The following NCOA2 variants were observed in gnomAD, a reference collection of about 807,000 sequenced individuals.
NCOA2 encodes the protein nuclear receptor coactivator 2, also known as class E basic helix-loop-helix protein 75.
NCOA2 carries 21 observed loss-of-function variants against 145.1 expected under a neutral mutation model. The observed-to-expected ratio is 0.14, with a 90% CI of 0.10 to 0.21. NCOA2 has a LOEUF of 0.21. Among genes scored for constraint, NCOA2 ranks in the 10% least tolerant of loss-of-function variants. The pLI, the probability that NCOA2 is intolerant of heterozygous loss-of-function variation, is 1.00. For synonymous variants in NCOA2, 619 were observed against 637.5 expected (o/e 0.97, Z 0.44); for missense variants, 1,472 against 1,837.6 (o/e 0.80, Z 3.64).
intron 2 of NCOA2, among the ~76,000 whole-genome samples, chr8:70,235,424 TG>T (rs1465688741): frequency 6.6e-6 from 1 of 152,156 alleles, no homozygotes; most frequent in Non-Finnish European, 1.5e-5. Flanking sequence ...ATAGTTACAA[TG>T]GCAAATTGTA....
intron 2 of NCOA2, among the ~76,000 whole-genome samples, chr8:70,263,485 GTCA>G (rs1824308956): frequency 6.6e-6 from 1 of 151,900 alleles, no homozygotes; most frequent in South Asian, 2.1e-4. Flanking sequence ...TCCAAAAAAG[GTCA>G]TCTTTTTCAC....
chr8:70,248,363 G>T (rs1586243991), intron 2 of NCOA2, among the ~76,000 whole-genome samples: 1 of 152,260 alleles, frequency 6.6e-6, no homozygotes, highest in Non-Finnish European at 1.5e-5. Context: ...TCTTGTGCCT[G>T]TTCTCAGGCA....
At chr8:70,268,417 A>C (rs1216568387) in intron 2 of NCOA2, among the ~76,000 whole-genome samples, 3 of 152,218 alleles carry the variant, frequency 2.0e-5, no homozygotes, top group Admixed American at 6.5e-5. Flanking sequence ...ACATGGCAAC[A>C]AACAGAAATT....
At chr8:70,138,078 C>T in intron 15 of NCOA2, 125 bp downstream of exon 15, 1 of 986,724 alleles carries the variant, frequency 1.0e-6, no homozygotes, top group Non-Finnish European at 1.5e-6. Flanking sequence ...CCTCTTCATG[C>T]ACTGCACAGT....
intron 2 of NCOA2, among the ~76,000 whole-genome samples, chr8:70,243,044 C>T (rs1422352706): frequency 6.6e-6 from 1 of 152,036 alleles, no homozygotes; most frequent in Admixed American, 6.6e-5. Context: ...TACTGGGGTG[C>T]TTCCTCACTC....
chr8:70,278,346 T>A (rs1227901510), intron 2 of NCOA2, among the ~76,000 whole-genome samples: 1 of 152,220 alleles, frequency 6.6e-6, no homozygotes, highest in African/African-American at 2.4e-5. Context: ...TTTGGGACTA[T>A]TATGACTAAT....
intron 1 of NCOA2, among the ~76,000 whole-genome samples, chr8:70,351,483 G>C (rs1300285922): frequency 6.6e-6 from 1 of 151,586 alleles, no homozygotes; most frequent in Non-Finnish European, 1.5e-5. Context: ...TTTCATCCCT[G>C]AGTATATAAT....
intron 2 of NCOA2, among the ~76,000 whole-genome samples, chr8:70,287,624 A>G (rs1283891728): frequency 6.6e-6 from 1 of 152,244 alleles, no homozygotes; most frequent in Non-Finnish European, 1.5e-5. Context: ...CACACATCCT[A>G]TTGAAAGCAT....
chr8:70,341,082 G>GGAAAAAAAAA (rs749650558), intron 1 of NCOA2, among the ~76,000 whole-genome samples: 9 of 105,062 alleles, frequency 8.6e-5, no homozygotes, highest in African/African-American at 2.9e-4. Flanking sequence ...TTAAAAAGTT[G>GGAAAAAAAAA]AAAAAAAAAA....
In NCOA2 at chr8:70,124,839, A is replaced by G; in HGVS notation, c.3943T>C (p.Phe1315Leu). 7 of 1,599,260 alleles carry G rather than the reference A, an allele frequency of 4.4e-6. No homozygotes were observed. The highest frequency in any genetic ancestry group is 6.0e-6 in the Non-Finnish European group (7 of 1,175,636). ...YGISQQPDPG[F>L]TGATTPQSPL... is the part of the protein sequence containing the mutation. ...CTCTGGGGAGTCGTAGCCCCAGTAA[A>G]GCCTGGATCAGGTTGCTGACTTATT... Residue 1315 changes from phenylalanine to leucine, a missense_variant, in exon 20 of 23, where the codon TTT (phenylalanine) becomes CTT (leucine). Physicochemically the swap from Phe to Leu is conservative, Grantham distance 22. Coordinates refer to ENST00000452400, the MANE Select transcript of NCOA2 (RefSeq NM_006540.4).
At chr8:70,190,102 CA>C (rs1563592984) in intron 4 of NCOA2, among the ~76,000 whole-genome samples, 3 of 151,916 alleles carry the variant, frequency 2.0e-5, no homozygotes, top group Admixed American at 2.0e-4. Flanking sequence ...TATAACAGCT[CA>C]AAAAAATTTT....
Position 70,124,232 on chromosome 8 carries a change from C to T in NCOA2, c.4095-150G>A, listed in dbSNP as rs548427811. On this transcript the variant is annotated intron_variant, in intron 20 of 22. Transcript: ENST00000452400. ...GCTGAGACAGCCGGCAGGTGGTGGG[C>T]TTGCTGAAGCCGAGACAGCAGGGGA... 2.4e-4 allele frequency: 169 copies of T among 691,102 alleles called. No individual in the cohort carries two copies. The African/African-American group carries it at 2.9e-3, about 12-fold the overall frequency. 42.8% of individuals were successfully genotyped at this position (691,102 alleles called of 1,614,324 possible). A position where few individuals can be genotyped will look rare whatever the true frequency, so the allele number is the denominator to read the frequency against.
intron 12 of NCOA2, 54 bp from the exon 13 acceptor site, chr8:70,144,902 TA>T (rs1810851529): frequency 6.8e-7 from 1 of 1,463,168 alleles, no homozygotes; most frequent in African/African-American, 1.4e-5. Context: ...TGGAAAATAA[TA>T]TTAACAGTAG....
chr8:70,138,070 T>A (rs1409413580), intron 15 of NCOA2, 133 bp downstream of exon 15: 3 of 906,682 alleles, frequency 3.3e-6, no homozygotes. Context: ...TCACCCCTCC[T>A]CTTCATGCAC....
At chr8:70,362,475 G>T (rs1278769462) in intron 1 of NCOA2, among the ~76,000 whole-genome samples, 2 of 151,580 alleles carry the variant, frequency 1.3e-5, no homozygotes, top group African/African-American at 2.4e-5. Context: ...TTAAAAAAAG[G>T]TTTTTTTAAC....
chr8:70,261,770 CCT>C (rs1824156690), intron 2 of NCOA2, among the ~76,000 whole-genome samples: 1 of 151,884 alleles, frequency 6.6e-6, no homozygotes, highest in African/African-American at 2.4e-5. Context: ...CACCCGAGCC[CCT>C]ATTATAGGTG....
At chr8:70,402,318 G>C (rs1420186866) in intron 1 of NCOA2, 2 of 152,298 alleles carry the variant, frequency 1.3e-5, no homozygotes, top group African/African-American at 2.4e-5. Context: ...GTTCAGGCTC[G>C]GTCTCTGGTT....
At chr8:70,280,030 C>T (rs115343455) in intron 2 of NCOA2, among the ~76,000 whole-genome samples, 1,736 of 152,306 alleles carry the variant, frequency 0.011, 43 homozygotes, top group African/African-American at 0.04. Flanking sequence ...GAGTCCATGA[C>T]TACACACATC....
chr8:70,135,757 G>A (rs1809654525), intron 15 of NCOA2, among the ~76,000 whole-genome samples: 1 of 152,024 alleles, frequency 6.6e-6, no homozygotes, highest in South Asian at 2.1e-4. Context: ...GTAATAAAGG[G>A]AAAAACACAC....
Sources: allele counts gnomAD v4.1 joint callset (sites outside exome capture counted in the v4.1 genomes callset), GRCh38; gene constraint gnomAD v4.1.1; transcripts MANE v1.5; gene names NCBI Gene and HGNC (gene_info 2026-07-23, HGNC 2026-07-21).